TRDN: variants seen among roughly 807,000 people sequenced by gnomAD.
TRDN encodes triadin, also known as triadin in skeletal muscle.
Under a neutral mutation model 149.7 loss-of-function variants are expected in TRDN, and 161 were observed. The observed-to-expected ratio is 1.08, with a 90% CI of 0.95 to 1.23. TRDN has a LOEUF of 1.23. Among genes scored for constraint, TRDN ranks in the 50% most tolerant of loss-of-function variants. The pLI is 0.00. For missense variants in TRDN, 896 were observed against 823.5 expected (o/e 1.09, Z -1.08); for synonymous variants, 294 against 250.5 (o/e 1.17, Z -1.64).
chr6:123,338,421 A>G (rs1582890598), intron 21 of TRDN, among the ~76,000 whole-genome samples: 1 of 152,162 alleles, frequency 6.6e-6, no homozygotes, highest in African/African-American at 2.4e-5. Flanking sequence ...TGCAGTATTC[A>G]CCTGCTAATC....
At chr6:123,536,875 C>A (rs1010604725) in intron 4 of TRDN, among the ~76,000 whole-genome samples, 5 of 151,736 alleles carry the variant, frequency 3.3e-5, no homozygotes, top group Non-Finnish European at 7.4e-5. Flanking sequence ...CAGAGTAAGA[C>A]CCTGTCTCAA....
At chr6:123,512,801 T>C (rs990943697) in intron 6 of TRDN, among the ~76,000 whole-genome samples, 1 of 152,156 alleles carries the variant, frequency 6.6e-6, no homozygotes, top group Non-Finnish European at 1.5e-5. Context: ...ATAACAATGG[T>C]AATTAAACTA....
chr6:123,330,955 C>T (rs184443913), intron 23 of TRDN, among the ~76,000 whole-genome samples: 70 of 152,104 alleles, frequency 4.6e-4, no homozygotes, highest in African/African-American at 1.3e-3. Context: ...GAAAGTTGTA[C>T]AGCTAAGTCC....
intron 21 of TRDN, chr6:123,352,217 A>T: frequency 1.0e-6 from 1 of 985,052 alleles, no homozygotes; most frequent in Non-Finnish European, 1.2e-6. Flanking sequence ...TTAAAACCAC[A>T]AATCAAATAG....
intron 29 of TRDN, among the ~76,000 whole-genome samples, chr6:123,272,199 T>A (rs918121862): frequency 6.6e-6 from 1 of 151,962 alleles, no homozygotes; most frequent in Non-Finnish European, 1.5e-5. Context: ...AAGCAAAGGA[T>A]TTCCTAAGAT....
chr6:123,557,327 C>T (rs1258873183), intron 2 of TRDN, among the ~76,000 whole-genome samples: 2 of 152,140 alleles, frequency 1.3e-5, no homozygotes, highest in Non-Finnish European at 2.9e-5. Context: ...TCCTCCTACT[C>T]TTTGCTCTGT....
chr6:123,518,754 C>T (rs1366055116), intron 5 of TRDN, among the ~76,000 whole-genome samples: 1 of 152,138 alleles, frequency 6.6e-6, no homozygotes, highest in East Asian at 1.9e-4. Context: ...TTATTATCCC[C>T]CTCAGAAATG....
intron 18 of TRDN, among the ~76,000 whole-genome samples, chr6:123,376,060 T>C (rs996004346): frequency 1.3e-5 from 2 of 152,182 alleles, no homozygotes; most frequent in African/African-American, 2.4e-5. Context: ...GCTAAGTTGC[T>C]GCATTGTAAT....
intron 6 of TRDN, 45 bp downstream of exon 6, chr6:123,516,096 G>C (rs747175752): frequency 7.1e-7 from 1 of 1,410,994 alleles, no homozygotes; most frequent in East Asian, 2.8e-5. Flanking sequence ...GAAGTCAATG[G>C]GAAAGGACTC....
chr6:123,255,902 T>C lies in TRDN; in HGVS notation c.1871A>G (p.Glu624Gly). 9.1e-6 allele frequency: 12 copies of C among 1,312,200 alleles called. No individual in the cohort carries two copies. The highest frequency in any genetic ancestry group is 1.2e-5 in the Non-Finnish European group (12 of 1,013,030). 81.3% of individuals were successfully genotyped at this position (1,312,200 alleles called of 1,614,324 possible). The change falls in exon 36 of 41, where the codon GAA becomes GGA. Residue 624 changes from glutamate to glycine, a missense_variant and splice_region_variant. Transcript: ENST00000334268. Reference sequence around the variant, plus strand: ...TCTAAGATGCTTCATGTCTGCTTTTTCTGTATAGAAGAAACAGTAACAGGG... The same window carrying C: ...TCTAAGATGCTTCATGTCTGCTTTTCCTGTATAGAAGAAACAGTAACAGGG... Reference protein sequence around the residue: ...KTEISEKESKEKADMKHLREE... With the variant: ...KTEISEKESKGKADMKHLREE...
intron 9 of TRDN, among the ~76,000 whole-genome samples, chr6:123,489,196 G>A (rs1439802688): frequency 6.7e-6 from 1 of 150,266 alleles, no homozygotes; most frequent in African/African-American, 2.4e-5. Flanking sequence ...TATTTTTTTT[G>A]CAATAAATAT....
At chr6:123,612,540 A>G (rs1000989610) in intron 1 of TRDN, among the ~76,000 whole-genome samples, 1 of 152,046 alleles carries the variant, frequency 6.6e-6, no homozygotes, top group African/African-American at 2.4e-5. Context: ...CTTGTGTTAA[A>G]TCTTAACAGG....
At chr6:123,366,081 C>A (rs1781088110) in intron 20 of TRDN, 54 bp downstream of exon 20, 2 of 1,487,540 alleles carry the variant, frequency 1.3e-6, no homozygotes, top group Admixed American at 1.8e-5. Flanking sequence ...TTGTTAGAAA[C>A]CTTAGCAGAA....
In TRDN at chr6:123,376,315, T is replaced by C. The variant is rs114719856; in HGVS notation, c.1247-684A>G. On this transcript the variant is annotated intron_variant, in intron 18 of 40. Coordinates refer to ENST00000334268, the MANE Select transcript of TRDN (RefSeq NM_006073.4). ...AACCAACAGGGTGTTCTCTGTAAAG[T>C]AGACAAAACATTTCTTCCCAAAGGT... Among the ~76,000 whole-genome samples, 258 of 152,264 alleles carry C rather than the reference T, an allele frequency of 1.7e-3. 2 individuals are homozygous for C. The highest frequency in any genetic ancestry group is 5.9e-3 in the African/African-American group (244 of 41,582).
intron 12 of TRDN, among the ~76,000 whole-genome samples, chr6:123,426,095 C>T (rs1012404518): frequency 1.3e-5 from 2 of 152,014 alleles, no homozygotes; most frequent in African/African-American, 2.4e-5. Context: ...GAAGTATGAA[C>T]ATTGAAACCA....
intron 5 of TRDN, chr6:123,529,492 C>A: frequency 1.2e-6 from 1 of 833,680 alleles, no homozygotes; most frequent in Non-Finnish European, 2.0e-6. Context: ...TGAGCCCTTC[C>A]CAAAAAGAAA....
chr6:123,377,580 G>A (rs1320912320), intron 18 of TRDN, 136 bp downstream of exon 18: 8 of 994,398 alleles, frequency 8.0e-6, no homozygotes, highest in Non-Finnish European at 1.2e-5. Flanking sequence ...TCCATGTCAA[G>A]AACTTGGAAA....
Position 123,420,319 on chromosome 6 carries a change from T to C in TRDN, c.1051+17744A>G, listed in dbSNP as rs934967232. ...TGCACTAGTGGTAAAAGATGGCAGC[T>C]GAAATACAAGCAGCCTTTCAAATGC... On this transcript the variant is annotated intron_variant, in intron 12 of 40. Transcript: ENST00000334268. 2.0e-5 allele frequency among the ~76,000 whole-genome samples: 3 copies of C among 152,230 alleles called. No individual in the cohort carries two copies. The East Asian group carries it at 5.8e-4, about 29-fold the overall frequency.
chr6:123,553,303 A>G (rs1781488738), intron 2 of TRDN, among the ~76,000 whole-genome samples: 1 of 152,124 alleles, frequency 6.6e-6, no homozygotes, highest in Non-Finnish European at 1.5e-5. Flanking sequence ...ATAGCGCTCA[A>G]ACCCAAATGA....
Sources: allele counts gnomAD v4.1 joint callset (sites outside exome capture counted in the v4.1 genomes callset), GRCh38; gene constraint gnomAD v4.1.1; transcripts MANE v1.5; gene names NCBI Gene and HGNC (gene_info 2026-07-23, HGNC 2026-07-21).